Variants in ARL15 observed in about 807,000 individuals in gnomAD.
The protein encoded by ARL15 is ADP-ribosylation factor-like protein 15.
ARL15 carries 19 observed loss-of-function variants against 25.2 expected under a neutral mutation model. That is an observed-to-expected ratio of 0.75 (90% confidence interval 0.53 to 1.10). The LOEUF (loss-of-function observed/expected upper bound fraction) is 1.10, where lower values mean the gene tolerates loss of function less well. Ranked by LOEUF, ARL15 falls within the 50% of genes least tolerant of loss-of-function variation. ARL15 has a pLI of 0.00. For missense variants in ARL15, 220 were observed against 246.0 expected, an observed-to-expected ratio of 0.89 and a Z score of 0.71; for synonymous variants, 94 against 86.8, an observed-to-expected ratio of 1.08 and a Z score of -0.46.
At chr5:54,159,418 T>TTAA (rs1295217256) in intron 2 of ARL15, among the ~76,000 whole-genome samples, 1 of 152,190 alleles carries the variant, frequency 6.6e-6, no homozygotes, top group African/African-American at 2.4e-5. Flanking sequence ...GAAGCACAGC[T>TTAA]CTTAGACTCA....
At chr5:54,183,135 C>T (rs1187794378) in intron 1 of ARL15, among the ~76,000 whole-genome samples, 2 of 117,998 alleles carry the variant, frequency 1.7e-5, no homozygotes, top group Admixed American at 8.9e-5. Flanking sequence ...ATTGAATACC[C>T]GTTATTTCCT....
chr5:54,008,614 C>CTTTGGTGAAGA lies in ARL15; in HGVS notation c.462+104587_462+104588insTCTTCACCAAA, dbSNP rs561951922. Among the ~76,000 whole-genome samples, 819 of 152,294 alleles carry CTTTGGTGAAGA rather than the reference C, an allele frequency of 5.4e-3. 2 individuals carry two copies. The highest frequency in any genetic ancestry group is 0.011 in the Admixed American group (168 of 15,288). On this transcript the variant is annotated intron_variant, in intron 4 of 4. Transcript: ENST00000504924. ...TTTCTTCACCAAAGCCAGGGAACGTCCCTTTAGCTACTGCAGCATTTCTAA... is the reference window on the plus strand; with the variant it reads ...TTTCTTCACCAAAGCCAGGGAACGTCTTTGGTGAAGACCTTTAGCTACTGCAGCATTTCTAA...
intron 4 of ARL15, among the ~76,000 whole-genome samples, chr5:54,042,193 A>G (rs550241567): frequency 2.0e-5 from 3 of 151,624 alleles, no homozygotes; most frequent in African/African-American, 7.3e-5. Flanking sequence ...CTGGTCTTGA[A>G]CTCCTAACCT....
In ARL15 at chr5:53,910,841, G is replaced by A. The variant is rs371673647; in HGVS notation, c.463-24128C>T. 2.1e-4 allele frequency among the ~76,000 whole-genome samples: 32 copies of A among 151,612 alleles called. No homozygotes were observed. In the East Asian group the frequency reaches 2.1e-3, roughly 10 times the overall value. On this transcript the variant is annotated intron_variant, in intron 4 of 4. Coordinates refer to ENST00000504924, the MANE Select transcript of ARL15 (RefSeq NM_019087.3). ...ACAAATATGAAACTCAATTGGAAAA[G>A]TGATTCGACCAATTGGAGTAGGGTT... is the stretch of plus-strand genomic sequence containing the variant.
At chr5:54,123,443 C>T (rs1159092065) in intron 3 of ARL15, among the ~76,000 whole-genome samples, 2 of 152,152 alleles carry the variant, frequency 1.3e-5, no homozygotes, top group Admixed American at 1.3e-4. Flanking sequence ...ACTGTTTCTT[C>T]TCTCTGAGCT....
intron 4 of ARL15, among the ~76,000 whole-genome samples, chr5:53,902,260 C>T (rs574217933): frequency 1.3e-5 from 2 of 152,314 alleles, no homozygotes; most frequent in African/African-American, 4.8e-5. Flanking sequence ...ACCAGGGGAA[C>T]GTGATTTGAT....
intron 1 of ARL15, among the ~76,000 whole-genome samples, chr5:54,204,987 T>C (rs1167556000): frequency 6.8e-6 from 1 of 147,122 alleles, no homozygotes; most frequent in Non-Finnish European, 1.5e-5. Context: ...CAGGCTGAAG[T>C]GCAGTGGCAC....
chr5:54,190,254 G>A (rs1213420101), intron 1 of ARL15, among the ~76,000 whole-genome samples: 4 of 152,126 alleles, frequency 2.6e-5, no homozygotes, highest in African/African-American at 9.7e-5. Flanking sequence ...TTAGCCAGGT[G>A]TGGTGGTATA....
chr5:54,258,417 G>A (rs922385834), intron 1 of ARL15, among the ~76,000 whole-genome samples: 4 of 152,120 alleles, frequency 2.6e-5, no homozygotes, highest in South Asian at 2.1e-4. Context: ...TGTCTGTCTA[G>A]CCCCATTTTT....
intron 3 of ARL15, among the ~76,000 whole-genome samples, chr5:54,127,215 T>A (rs1393501996): frequency 6.6e-6 from 1 of 152,230 alleles, no homozygotes; most frequent in Non-Finnish European, 1.5e-5. Flanking sequence ...GGTGTATATG[T>A]GCCACATTTT....
intron 4 of ARL15, among the ~76,000 whole-genome samples, chr5:54,106,476 G>A (rs574514520): frequency 1.3e-5 from 2 of 152,098 alleles, no homozygotes; most frequent in East Asian, 3.9e-4. Flanking sequence ...AATCTCCCAT[G>A]GATACCAAAA....
intron 4 of ARL15, among the ~76,000 whole-genome samples, chr5:53,891,602 C>G (rs1744710728): frequency 6.6e-6 from 1 of 152,174 alleles, no homozygotes; most frequent in Non-Finnish European, 1.5e-5. Flanking sequence ...CTTATTTTTT[C>G]TGCATAGTCA....
At chr5:54,270,278 T>C (rs1757748059) in intron 1 of ARL15, among the ~76,000 whole-genome samples, 1 of 151,368 alleles carries the variant, frequency 6.6e-6, no homozygotes, top group Non-Finnish European at 1.5e-5. Flanking sequence ...TTTTGAGTTT[T>C]TCCTTTGGCT....
rs1744479883 is a variant in ARL15 at position 53,885,192 on chromosome 5, T to C, written c.*1369A>G. 1 of 152,430 alleles carries C rather than the reference T, an allele frequency of 6.6e-6. No individual in the cohort carries two copies. Among genetic ancestry groups the C allele is most frequent in the South Asian group, 2.1e-4 (1 of 4,828 alleles). The allele number at this position is 152,430 out of a possible 1,614,324, so 9.4% of individuals were successfully genotyped here. The stretch of plus-strand genomic sequence containing the variant: ...TTACTTAAAATTACAAACATGTTTT[T>C]ACACTCATGTGCAGGGAGCAGTTTT... On this transcript the variant is annotated 3_prime_UTR_variant, in exon 5 of 5. Transcript: ENST00000504924.
At chr5:54,164,730 T>C (rs1754515792) in intron 2 of ARL15, among the ~76,000 whole-genome samples, 1 of 152,032 alleles carries the variant, frequency 6.6e-6, no homozygotes, top group Non-Finnish European at 1.5e-5. Flanking sequence ...CTTTGTATAT[T>C]TAATCTATTT....
chr5:54,004,917 G>T (rs1748974203), intron 4 of ARL15, among the ~76,000 whole-genome samples: 1 of 152,114 alleles, frequency 6.6e-6, no homozygotes, highest in Middle Eastern at 3.2e-3. Flanking sequence ...TATGTTTTCT[G>T]CTAACTTAAT....
At chr5:54,051,811 A>G (rs553575503) in intron 4 of ARL15, among the ~76,000 whole-genome samples, 13 of 152,336 alleles carry the variant, frequency 8.5e-5, no homozygotes, top group Middle Eastern at 3.4e-3. Flanking sequence ...TTGATTTTAA[A>G]ACTTACGTTC....
At chr5:53,952,023 T>C (rs1298516075) in intron 4 of ARL15, among the ~76,000 whole-genome samples, 2 of 151,918 alleles carry the variant, frequency 1.3e-5, no homozygotes, top group African/African-American at 4.8e-5. Context: ...ATCCCAGCAC[T>C]TTGGGAGGCC....
chr5:54,286,445 A>C (rs1232605385), intron 1 of ARL15: 11 of 152,378 alleles, frequency 7.2e-5, no homozygotes, highest in Non-Finnish European at 1.3e-4. Context: ...AAAAAATAAC[A>C]ATCATCATGA....
Sources: allele counts gnomAD v4.1 joint callset (sites outside exome capture counted in the v4.1 genomes callset), GRCh38; gene constraint gnomAD v4.1.1; transcripts MANE v1.5; gene names NCBI Gene and HGNC (gene_info 2026-07-23, HGNC 2026-07-21).